CCDC148: variants seen among roughly 807,000 people sequenced by gnomAD.
The protein encoded by CCDC148 is coiled-coil domain containing 148.
In CCDC148, 89 loss-of-function variants were observed where a neutral mutation model predicts 85.7. The ratio of observed to expected loss-of-function variants is 1.04; its 90% CI spans 0.87 to 1.24. The LOEUF (loss-of-function observed/expected upper bound fraction) is 1.24, where lower values mean the gene tolerates loss of function less well. Among genes scored for constraint, CCDC148 ranks in the 50% most tolerant of loss-of-function variants. CCDC148 has a pLI of 0.00. For missense variants in CCDC148, 692 were observed against 671.7 expected, an observed-to-expected ratio of 1.03 and a Z score of -0.33; for synonymous variants, 230 against 213.9, an observed-to-expected ratio of 1.08 and a Z score of -0.66.
intron 10 of CCDC148, among the ~76,000 whole-genome samples, chr2:158,237,873 G>GT (rs973221281): frequency 6.6e-6 from 1 of 152,138 alleles, no homozygotes; most frequent in Admixed American, 6.6e-5. Flanking sequence ...GAAGATACCA[G>GT]TAAGACAGAG....
chr2:158,319,186 C>T (rs1043940579), intron 7 of CCDC148, among the ~76,000 whole-genome samples: 1 of 152,170 alleles, frequency 6.6e-6, no homozygotes, highest in Non-Finnish European at 1.5e-5. Context: ...ATTGCTCCCA[C>T]CCCTGCTCCT....
intron 9 of CCDC148, among the ~76,000 whole-genome samples, chr2:158,291,942 A>T (rs543990147): frequency 6.6e-6 from 1 of 152,368 alleles, no homozygotes. Context: ...TGTCTTTTAT[A>T]AATTCCATCT....
intron 11 of CCDC148, among the ~76,000 whole-genome samples, chr2:158,210,600 A>C (rs965141782): frequency 6.6e-6 from 1 of 152,002 alleles, no homozygotes; most frequent in Non-Finnish European, 1.5e-5. Flanking sequence ...AACAGAAATC[A>C]TAACAGTCTC....
intron 2 of CCDC148, among the ~76,000 whole-genome samples, chr2:158,350,091 T>C (rs1683184969): frequency 6.6e-6 from 1 of 152,158 alleles, no homozygotes; most frequent in African/African-American, 2.4e-5. Context: ...TTATTTAAAA[T>C]GCCAGTTGAA....
At chr2:158,216,966 G>C (rs1442797494) in intron 11 of CCDC148, among the ~76,000 whole-genome samples, 1 of 152,044 alleles carries the variant, frequency 6.6e-6, no homozygotes, top group African/African-American at 2.4e-5. Flanking sequence ...CTGAAGCACA[G>C]GGAAGTTAAA....
intron 10 of CCDC148, among the ~76,000 whole-genome samples, chr2:158,237,516 G>A (rs537354640): frequency 7.5e-4 from 114 of 152,222 alleles, no homozygotes; most frequent in Middle Eastern, 3.4e-3. Flanking sequence ...GTATAAGGGC[G>A]GAAACAGAAG....
intron 9 of CCDC148, among the ~76,000 whole-genome samples, chr2:158,272,485 T>C (rs1382424784): frequency 1.3e-5 from 2 of 152,196 alleles, no homozygotes; most frequent in African/African-American, 4.8e-5. Context: ...ATTCTTATCT[T>C]TGACATAGAT....
intron 12 of CCDC148, 94 bp downstream of exon 12, chr2:158,178,785 T>G: frequency 1.2e-6 from 1 of 828,004 alleles, no homozygotes; most frequent in Non-Finnish European, 2.0e-6. Flanking sequence ...ATAGCAGATG[T>G]CATGAACTAA....
At chr2:158,360,236 G>A (rs1467213169) in intron 1 of CCDC148, among the ~76,000 whole-genome samples, 1 of 152,194 alleles carries the variant, frequency 6.6e-6, no homozygotes, top group African/African-American at 2.4e-5. Flanking sequence ...GGAAGGGGCA[G>A]CTGTGAGCGC....
chr2:158,250,377 T>G (rs1688740440), intron 10 of CCDC148, among the ~76,000 whole-genome samples: 1 of 151,998 alleles, frequency 6.6e-6, no homozygotes, highest in Non-Finnish European at 1.5e-5. Flanking sequence ...TATAATATAT[T>G]CTACCAACAA....
intron 9 of CCDC148, among the ~76,000 whole-genome samples, chr2:158,306,230 A>G (rs113878798): frequency 0.027 from 4,097 of 152,200 alleles, 73 homozygotes; most frequent in Middle Eastern, 0.092. Flanking sequence ...TGCATTAAAA[A>G]TAGTGATTTT....
Position 158,280,113 on chromosome 2 carries a change from G to C in CCDC148, c.1111-29201C>G, listed in dbSNP as rs1455990932. Among the ~76,000 whole-genome samples the C allele has an allele frequency of 2.6e-5, 4 of 152,136 alleles. No individual in the cohort carries two copies. The East Asian group carries it at 5.8e-4, about 22-fold the overall frequency. ...TCACCACCAGGCCTGCCCTAAAAGA[G>C]CTCCTGAAGGAAGCACTAAACATGG... On this transcript the variant is annotated intron_variant, in intron 9 of 13. Coordinates refer to ENST00000283233, the MANE Select transcript of CCDC148 (RefSeq NM_138803.4).
At chr2:158,406,055 G>A (rs1308660077) in intron 1 of CCDC148, among the ~76,000 whole-genome samples, 1 of 152,136 alleles carries the variant, frequency 6.6e-6, no homozygotes, top group African/African-American at 2.4e-5. Context: ...TCTACATGGT[G>A]TGGCTTGCTG....
chr2:158,358,134 A>G (rs1683755310), intron 2 of CCDC148, among the ~76,000 whole-genome samples: 4 of 152,192 alleles, frequency 2.6e-5, no homozygotes, highest in Non-Finnish European at 5.9e-5. Flanking sequence ...GGTAATTACT[A>G]ACAATTTTTA....
chr2:158,340,655 A>AT lies in CCDC148; in HGVS notation c.276dup (p.Ser93IlefsTer5). 6.3e-7 allele frequency: 1 copy of AT among 1,582,154 alleles called. No individual in the cohort carries two copies. The highest frequency in any genetic ancestry group is 8.6e-7 in the Non-Finnish European group (1 of 1,159,138). ...CCAATGTTCTCTTCATTGAGAAGGG[A>AT]TTTTATTTCAGATTCCATTTTACAT... On this transcript the variant is annotated frameshift_variant, in exon 4 of 14. Coordinates refer to ENST00000283233, the MANE Select transcript of CCDC148 (RefSeq NM_138803.4). LOFTEE classifies it high-confidence loss of function.
intron 1 of CCDC148, among the ~76,000 whole-genome samples, chr2:158,369,899 G>A (rs1172220131): frequency 3.9e-5 from 6 of 152,014 alleles, no homozygotes; most frequent in Admixed American, 2.6e-4. Context: ...GAATTTTATC[G>A]AAGGCCTTTT....
At chr2:158,326,244 A>G (rs1366744162) in intron 7 of CCDC148, among the ~76,000 whole-genome samples, 1 of 152,106 alleles carries the variant, frequency 6.6e-6, no homozygotes, top group Non-Finnish European at 1.5e-5. Context: ...TATCTGCAGG[A>G]CTAGTTCTCC....
chr2:158,244,793 C>T lies in CCDC148; in HGVS notation c.1251+5979G>A, dbSNP rs145116865. On this transcript the variant is annotated intron_variant, in intron 10 of 13. Coordinates refer to ENST00000283233, the MANE Select transcript of CCDC148 (RefSeq NM_138803.4). ...ATGGTCTGGTTGATTATACAGGCCACGGCTGGAGGGTGAGTAGGGGATCCT... is the reference window on the plus strand; with the variant it reads ...ATGGTCTGGTTGATTATACAGGCCATGGCTGGAGGGTGAGTAGGGGATCCT... 3.7e-4 allele frequency among the ~76,000 whole-genome samples: 56 copies of T among 152,220 alleles called. 1 individual carries two copies. Among genetic ancestry groups the T allele is most frequent in the East Asian group, 3.1e-3 (16 of 5,172 alleles).
rs1559049522 is a variant in CCDC148, at chr2:158,293,956, C to CCTTCCTT, written c.1110+15476_1110+15477insAAGGAAG. On this transcript the variant is annotated intron_variant, in intron 9 of 13. Coordinates refer to ENST00000283233, the MANE Select transcript of CCDC148 (RefSeq NM_138803.4). ...TGCCTTCCTGCCTTCCTTCCCCTCT[C>CCTTCCTT]CCTCCCTCCCTCCCTCCCCCCCCCC... is the stretch of plus-strand genomic sequence containing the variant. 3.3e-3 allele frequency among the ~76,000 whole-genome samples: 129 copies of CCTTCCTT among 38,754 alleles called. 27 individuals are homozygous for CCTTCCTT. The highest frequency in any genetic ancestry group is 4.7e-3 in the Non-Finnish European group (103 of 21,784). The allele number at this position is 38,754 out of a possible 152,430, so 25.4% of individuals were successfully genotyped here.
Sources: allele counts gnomAD v4.1 joint callset (sites outside exome capture counted in the v4.1 genomes callset), GRCh38; gene constraint gnomAD v4.1.1; transcripts MANE v1.5; gene names NCBI Gene and HGNC (gene_info 2026-07-23, HGNC 2026-07-21).